SPTBN4: variants seen among roughly 807,000 people sequenced by gnomAD.
SPTBN4 encodes the protein spectrin beta, non-erythrocytic 4.
Under a neutral mutation model 277.8 loss-of-function variants are expected in SPTBN4, and 96 were observed. The observed-to-expected ratio is 0.35, with a 90% CI of 0.29 to 0.41. The LOEUF is 0.41. Ranked by LOEUF, SPTBN4 falls within the 10% of genes least tolerant of loss-of-function variation. The pLI is 1.00. For synonymous variants in SPTBN4, 1,481 were observed against 1,580.3 expected, an observed-to-expected ratio of 0.94 and a Z score of 1.49; for missense variants, 3,006 against 3,595.7, an observed-to-expected ratio of 0.84 and a Z score of 4.19.
chr19:40,491,383 TTC>T (rs1203113725), intron 4 of SPTBN4, among the ~76,000 whole-genome samples: 1 of 152,094 alleles, frequency 6.6e-6, no homozygotes, highest in Non-Finnish European at 1.5e-5. Flanking sequence ...TTGGATTTTA[TTC>T]TGTCTGAGAT....
At position 40,560,081 on chromosome 19, in the gene SPTBN4, C is replaced by T. The variant is rs957228957; in HGVS notation, c.5671-78C>T. 15 of 1,483,112 alleles carry T rather than the reference C, an allele frequency of 1.0e-5. No homozygotes were observed. Among genetic ancestry groups the T allele is most frequent in the South Asian group, 5.4e-5 (4 of 74,352 alleles). The allele number at this position is 1,483,112 out of a possible 1,614,324, so 91.9% of individuals were successfully genotyped here. On this transcript the variant is annotated intron_variant, in intron 26 of 35. Coordinates refer to ENST00000598249, the MANE Select transcript of SPTBN4 (RefSeq NM_020971.3). The surrounding 1 kb of genome is among the most constrained non-coding windows in gnomAD (Gnocchi z 5.2). ...AGGCTCCTTATATCTTGAGGTTCTG[C>T]GCTGGAGCAGATGGTGGGAGGGAGG... is the stretch of plus-strand genomic sequence containing the variant.
At chr19:40,528,581 C>T (rs2080622681) in intron 17 of SPTBN4, among the ~76,000 whole-genome samples, 1 of 152,172 alleles carries the variant, frequency 6.6e-6, no homozygotes, top group African/African-American at 2.4e-5. Context: ...CCTCTCTCTG[C>T]CTCCTCTCTT....
At position 40,506,137 on chromosome 19, in the gene SPTBN4, T is replaced by G. The variant is rs552195698; in HGVS notation, c.1666-99T>G. ...TCTCCAAGAGGGTCAGAGTCGGGAG[T>G]GATGGTGCAGAGTAGCAGGGGCTGG... On this transcript the variant is annotated intron_variant, in intron 12 of 35. Coordinates refer to ENST00000598249, the MANE Select transcript of SPTBN4 (RefSeq NM_020971.3). 1.7e-5 allele frequency: 25 copies of G among 1,431,374 alleles called. No individual in the cohort carries two copies. In the South Asian group the frequency reaches 2.8e-4, roughly 16 times the overall value. The allele number at this position is 1,431,374 out of a possible 1,614,324, so 88.7% of individuals were successfully genotyped here. A position where few individuals can be genotyped will look rare whatever the true frequency, so the allele number is the denominator to read the frequency against.
intron 5 of SPTBN4, 111 bp from the exon 6 acceptor site, chr19:40,494,786 C>G: frequency 1.1e-6 from 1 of 888,692 alleles, no homozygotes; most frequent in Non-Finnish European, 1.8e-6. Context: ...ATGTTCTACC[C>G]CCTCTCTCTC....
intron 15 of SPTBN4, among the ~76,000 whole-genome samples, chr19:40,516,413 C>T (rs1007062679): frequency 6.6e-6 from 1 of 151,992 alleles, no homozygotes; most frequent in Non-Finnish European, 1.5e-5. Context: ...AGCGATCCTC[C>T]CACCTCTGCC....
intron 27 of SPTBN4, among the ~76,000 whole-genome samples, chr19:40,561,944 T>C (rs1483771076): frequency 6.6e-6 from 1 of 151,990 alleles, no homozygotes; most frequent in African/African-American, 2.4e-5. Context: ...GAGACCTGAA[T>C]GAAGTGATGG....
chr19:40,477,574 C>T (rs985089622), intron 2 of SPTBN4, among the ~76,000 whole-genome samples: 1 of 152,156 alleles, frequency 6.6e-6, no homozygotes, highest in African/African-American at 2.4e-5. Flanking sequence ...GCACAAGCAT[C>T]AGGCTGTGAT....
At chr19:40,510,331 G>A (rs1215483014) in intron 13 of SPTBN4, among the ~76,000 whole-genome samples, 2 of 151,912 alleles carry the variant, frequency 1.3e-5, no homozygotes, top group East Asian at 3.9e-4. Flanking sequence ...CTAAGACAGA[G>A]TCTCACTCTG....
At chr19:40,565,367 G>A (rs1599817910) in intron 27 of SPTBN4, 56 bp from the exon 28 acceptor site, 1 of 1,569,964 alleles carries the variant, frequency 6.4e-7, no homozygotes, top group East Asian at 2.2e-5. Context: ...CCACATGTAT[G>A]GGGCAGGCTG....
intron 7 of SPTBN4, among the ~76,000 whole-genome samples, chr19:40,498,381 A>G (rs1369874628): frequency 3.2e-5 from 3 of 92,356 alleles, no homozygotes; most frequent in Admixed American, 9.0e-5. Flanking sequence ...TATTTTATTT[A>G]TTTATTTATT....
intron 13 of SPTBN4, among the ~76,000 whole-genome samples, chr19:40,508,233 T>C (rs968218711): frequency 2.6e-5 from 4 of 152,194 alleles, no homozygotes; most frequent in Non-Finnish European, 5.9e-5. Flanking sequence ...ACATGGATGC[T>C]GATAGGCAAA....
In SPTBN4 at chr19:40,489,414, C is replaced by G. The variant is rs142397848; in HGVS notation, c.322-661C>G. ...TTTGTTTGTTTGTTTGAAACGAAGT[C>G]TCGCTCCCTCACCCAGGCTGGAGTG... On this transcript the variant is annotated intron_variant, in intron 3 of 35. Coordinates refer to ENST00000598249, the MANE Select transcript of SPTBN4 (RefSeq NM_020971.3). Among the ~76,000 whole-genome samples the G allele has an allele frequency of 4.0e-5, 6 of 151,840 alleles. No individual in the cohort carries two copies. The East Asian group carries it at 1.2e-3, about 30-fold the overall frequency.
intron 12 of SPTBN4, among the ~76,000 whole-genome samples, chr19:40,505,202 T>C (rs1405401672): frequency 2.5e-5 from 3 of 118,772 alleles, no homozygotes; most frequent in African/African-American, 3.4e-5. Flanking sequence ...CTGATCAACA[T>C]AGTGAGATCC....
chr19:40,574,049 C>A, intron 35 of SPTBN4, among the ~76,000 whole-genome samples: 2 of 152,288 alleles, frequency 1.3e-5, no homozygotes, highest in Admixed American at 1.3e-4. Flanking sequence ...TTGCAGTGAG[C>A]TGAGATTGCG....
intron 17 of SPTBN4, among the ~76,000 whole-genome samples, chr19:40,525,522 G>C (rs191850065): frequency 6.6e-6 from 1 of 152,026 alleles, no homozygotes; most frequent in Non-Finnish European, 1.5e-5. Context: ...TGCATGCCAG[G>C]CTCAGCAAAA....
chr19:40,519,986 G>C lies in SPTBN4; in HGVS notation c.3489G>C (p.Glu1163Asp). Residue 1163 changes from glutamate (E) to aspartate (D), a missense_variant, in exon 16 of 36, where the codon GAG becomes GAC. Glu to Asp is a conservative substitution (Grantham distance 45). Transcript: ENST00000598249. This position sits in a 1 kb window ranked among gnomAD's most constrained non-coding sequence, Gnocchi z 5.7. The stretch of plus-strand genomic sequence containing the variant: ...CGCTGCTGGCCGCCGACGGCGCAGA[G>C]CTGGGCCCGGGCCTGGCACTAGACG... ...SEALLAADGA[E>D]LGPGLALDEW... 2 of 1,557,292 alleles carry C rather than the reference G, an allele frequency of 1.3e-6. No homozygotes were observed. The highest frequency in any genetic ancestry group is 8.6e-7 in the Non-Finnish European group (1 of 1,157,660).
chr19:40,570,663 A>G lies in SPTBN4; in HGVS notation c.7254A>G (p.Thr2418=), dbSNP rs960990269. 1.1e-5 allele frequency: 18 copies of G among 1,567,894 alleles called. No homozygotes were observed. The highest frequency in any genetic ancestry group is 1.6e-5 in the Non-Finnish European group (18 of 1,160,442). The change falls in exon 33 of 36, where the codon ACA becomes ACG. Residue 2418 remains threonine, a synonymous_variant. Coordinates refer to ENST00000598249, the MANE Select transcript of SPTBN4 (RefSeq NM_020971.3). ...CGCCTCCGCCACCGCCCACTCACAC[A>G]GTGCAGCACGAGGGCTTCCTACTGC... ...APAPPPPPTH[T]VQHEGFLLRK...
chr19:40,525,408 G>C (rs2080579142), intron 17 of SPTBN4, among the ~76,000 whole-genome samples: 1 of 150,536 alleles, frequency 6.6e-6, no homozygotes. Flanking sequence ...CTGCAGCCTG[G>C]AACTCCTGGG....
chr19:40,572,782 A>T (rs530749180), intron 35 of SPTBN4: 1 of 173,264 alleles, frequency 5.8e-6, no homozygotes, highest in Non-Finnish European at 1.2e-5. Context: ...AACATGGTGA[A>T]ACCCCGTCTC....
Sources: allele counts gnomAD v4.1 joint callset (sites outside exome capture counted in the v4.1 genomes callset), GRCh38; gene constraint gnomAD v4.1.1; non-coding constraint Gnocchi (gnomAD v3.1); transcripts MANE v1.5; gene names NCBI Gene and HGNC (gene_info 2026-07-23, HGNC 2026-07-21).